Variants in PARD3 observed in about 807,000 individuals in gnomAD.
PARD3 encodes par-3 family cell polarity regulator, also known as partitioning defective 3 homolog.
PARD3 carries 75 observed loss-of-function variants against 155.4 expected under a neutral mutation model. The observed-to-expected ratio is 0.48, with a 90% CI of 0.40 to 0.58. The LOEUF (loss-of-function observed/expected upper bound fraction) is 0.58. PARD3 is among the 20% of genes least tolerant of loss of function. PARD3 has a pLI of 0.00. For synonymous variants in PARD3, 576 were observed against 610.5 expected (o/e 0.94, Z 0.83); for missense variants, 1,642 against 1,721.7 (o/e 0.95, Z 0.82).
chr10:34,616,034 G>A (rs1195501622), intron 2 of PARD3, among the ~76,000 whole-genome samples: 1 of 152,152 alleles, frequency 6.6e-6, no homozygotes, highest in Non-Finnish European at 1.5e-5. Flanking sequence ...AAAACAGAAT[G>A]AAGTTTCTTC....
chr10:34,152,962 T>C (rs1260729308), intron 22 of PARD3, among the ~76,000 whole-genome samples: 7 of 152,186 alleles, frequency 4.6e-5, no homozygotes, highest in Admixed American at 4.6e-4. Context: ...AGAGATCCAG[T>C]GACATGACAA....
intron 3 of PARD3, among the ~76,000 whole-genome samples, chr10:34,515,823 A>T (rs1564798969): frequency 6.6e-6 from 1 of 151,984 alleles, no homozygotes; most frequent in Non-Finnish European, 1.5e-5. Context: ...TCTTAATTAT[A>T]TATATATTTT....
At chr10:34,267,164 G>C (rs576862757) in intron 22 of PARD3, among the ~76,000 whole-genome samples, 2 of 151,570 alleles carry the variant, frequency 1.3e-5, no homozygotes, top group African/African-American at 4.9e-5. Context: ...AACTGACAAC[G>C]CCAGCATTCT....
At chr10:34,762,711 G>A (rs1046962689) in intron 1 of PARD3, among the ~76,000 whole-genome samples, 6 of 152,072 alleles carry the variant, frequency 3.9e-5, no homozygotes, top group African/African-American at 7.2e-5. Flanking sequence ...ACTGGGAGTC[G>A]GGGAAAATGA....
chr10:34,782,721 G>GTT (rs879708183), intron 1 of PARD3, among the ~76,000 whole-genome samples: 3 of 145,376 alleles, frequency 2.1e-5, no homozygotes, highest in Admixed American at 6.9e-5. Context: ...CATTAGGAAA[G>GTT]TTTTTTTTTT....
At chr10:34,240,509 C>A (rs868505812) in intron 22 of PARD3, among the ~76,000 whole-genome samples, 1 of 152,084 alleles carries the variant, frequency 6.6e-6, no homozygotes, top group Non-Finnish European at 1.5e-5. Flanking sequence ...TCAATGATAA[C>A]AATTTTCAGG....
chr10:34,627,772 C>T (rs1394125527), intron 2 of PARD3, among the ~76,000 whole-genome samples: 1 of 152,184 alleles, frequency 6.6e-6, no homozygotes, highest in African/African-American at 2.4e-5. Context: ...GTCAAGCCAT[C>T]CAGTTCTTGG....
At chr10:34,439,295 T>C (rs2076343235) in intron 5 of PARD3, among the ~76,000 whole-genome samples, 1 of 151,464 alleles carries the variant, frequency 6.6e-6, no homozygotes, top group South Asian at 2.1e-4. Flanking sequence ...TTACTAAAGG[T>C]AGGAAAAGAG....
At chr10:34,530,731 T>C (rs2082789166) in intron 2 of PARD3, among the ~76,000 whole-genome samples, 1 of 152,246 alleles carries the variant, frequency 6.6e-6, no homozygotes, top group South Asian at 2.1e-4. Flanking sequence ...CCTTCATTGG[T>C]AATTCTTCCA....
chr10:34,721,724 T>C lies in PARD3; in HGVS notation c.121-25305A>G, dbSNP rs189793570. On this transcript the variant is annotated intron_variant, in intron 1 of 24. Coordinates refer to ENST00000374788, the MANE Select transcript of PARD3 (RefSeq NM_001184785.2). ...TATGATAAAAATAAAGTGAGATCCATTCAGTTATCTGCTGGAAGATATAAC... is the reference window on the plus strand; with the variant it reads ...TATGATAAAAATAAAGTGAGATCCACTCAGTTATCTGCTGGAAGATATAAC... Among the ~76,000 whole-genome samples, 130 of 152,362 alleles carry C rather than the reference T, an allele frequency of 8.5e-4. 1 individual carries two copies. The highest frequency in any genetic ancestry group is 7.8e-3 in the Admixed American group (119 of 15,302).
intron 19 of PARD3, among the ~76,000 whole-genome samples, chr10:34,326,139 A>C (rs549176644): frequency 2.0e-5 from 3 of 152,014 alleles, no homozygotes; most frequent in African/African-American, 4.8e-5. Flanking sequence ...AAAAAAAAAA[A>C]AAAAAAGTTA....
intron 22 of PARD3, among the ~76,000 whole-genome samples, chr10:34,229,810 T>A (rs906405254): frequency 6.6e-6 from 1 of 151,994 alleles, no homozygotes; most frequent in Non-Finnish European, 1.5e-5. Context: ...AGCAAACAAA[T>A]AACCAAAGGA....
At chr10:34,594,573 T>C (rs556914373) in intron 2 of PARD3, among the ~76,000 whole-genome samples, 9 of 152,226 alleles carry the variant, frequency 5.9e-5, no homozygotes, top group South Asian at 4.1e-4. Flanking sequence ...TTATACTACC[T>C]GAAAAGTCCT....
intron 5 of PARD3, among the ~76,000 whole-genome samples, chr10:34,403,666 T>C (rs1844139586): frequency 6.6e-6 from 1 of 152,172 alleles, no homozygotes; most frequent in Non-Finnish European, 1.5e-5. Context: ...TGATGCTGTG[T>C]CTTGAGAGGC....
intron 5 of PARD3, among the ~76,000 whole-genome samples, chr10:34,406,240 T>C (rs1223914837): frequency 6.6e-6 from 1 of 152,200 alleles, no homozygotes; most frequent in Non-Finnish European, 1.5e-5. Flanking sequence ...AGTGTAAAAC[T>C]ACATGCTCAA....
At chr10:34,288,356 C>A (rs1440578715) in intron 20 of PARD3, among the ~76,000 whole-genome samples, 4 of 152,076 alleles carry the variant, frequency 2.6e-5, no homozygotes, top group African/African-American at 9.7e-5. Context: ...TATAAAATCA[C>A]AGCATATTAC....
intron 2 of PARD3, among the ~76,000 whole-genome samples, chr10:34,626,087 T>C (rs530943584): frequency 1.3e-5 from 2 of 152,278 alleles, no homozygotes; most frequent in South Asian, 2.1e-4. Flanking sequence ...CCCTCAAAGA[T>C]GAAGTAGCTG....
intron 2 of PARD3, among the ~76,000 whole-genome samples, chr10:34,683,623 A>T (rs1431957173): frequency 1.3e-5 from 2 of 151,330 alleles, no homozygotes; most frequent in Admixed American, 1.3e-4. Flanking sequence ...GGTGTAACAG[A>T]AAGAGTGAGA....
At chr10:34,562,109 G>C (rs1425026193) in intron 2 of PARD3, among the ~76,000 whole-genome samples, 1 of 117,830 alleles carries the variant, frequency 8.5e-6, no homozygotes, top group Admixed American at 1.0e-4. Flanking sequence ...CTGGGTGACG[G>C]AGCCTGACTG....
Sources: gnomAD v4.1 joint callset for allele counts (sites outside exome capture counted in the v4.1 genomes callset) on GRCh38, gnomAD v4.1.1 for gene constraint, MANE v1.5 for transcripts, NCBI Gene and HGNC (gene_info 2026-07-23, HGNC 2026-07-21) for gene names.